BAHD1: variants seen among roughly 807,000 people sequenced by gnomAD.
BAHD1 encodes bromo adjacent homology domain containing 1, also known as bromo adjacent homology domain-containing 1 protein.
Under a neutral mutation model 63.1 loss-of-function variants are expected in BAHD1, and 20 were observed. That is an observed-to-expected ratio of 0.32 (90% CI 0.22 to 0.46). The LOEUF (loss-of-function observed/expected upper bound fraction) is 0.46. Ranked by LOEUF, BAHD1 falls within the 20% of genes least tolerant of loss-of-function variation. The probability of loss-of-function intolerance (pLI) is 1.00; values close to 1 mark genes in which losing one functional copy is unlikely to be tolerated. For missense variants in BAHD1, 939 were observed against 1,071.8 expected (o/e 0.88, Z 1.73); for synonymous variants, 408 against 426.8 (o/e 0.96, Z 0.54).
chr15:40,461,572 G>A (rs189324084), intron 2 of BAHD1, among the ~76,000 whole-genome samples: 4 of 152,112 alleles, frequency 2.6e-5, no homozygotes, highest in Admixed American at 1.3e-4. Context: ...CCCGAGAGGC[G>A]GAGGTTGCAG....
At chr15:40,444,109 C>G (rs200143950) in intron 1 of BAHD1, among the ~76,000 whole-genome samples, 2 of 150,116 alleles carry the variant, frequency 1.3e-5, no homozygotes, top group Non-Finnish European at 3.0e-5. Context: ...TGTTAAACCT[C>G]TGTGTGTGTG....
intron 1 of BAHD1, among the ~76,000 whole-genome samples, chr15:40,457,081 A>C (rs1893870046): frequency 1.3e-5 from 2 of 152,166 alleles, no homozygotes; most frequent in South Asian, 4.1e-4. Context: ...GCCTGGTCAT[A>C]TGCATTTTCT....
chr15:40,466,221 A>C lies in BAHD1; in HGVS notation c.*91A>C. The C allele has an allele frequency of 1.8e-6, 2 of 1,122,056 alleles. No homozygotes were observed. Among genetic ancestry groups the C allele is most frequent in the Non-Finnish European group, 2.5e-6 (2 of 815,314 alleles). The allele number at this position is 1,122,056 out of a possible 1,614,324, so 69.5% of individuals were successfully genotyped here. On this transcript the variant is annotated 3_prime_UTR_variant, in exon 7 of 7. Coordinates refer to ENST00000416165, the MANE Select transcript of BAHD1 (RefSeq NM_014952.5). The stretch of plus-strand genomic sequence containing the variant: ...AAGCACAGCACTTGGTTAGGGGGCC[A>C]CAGAGGCCTAAGTTTGCTGGCCTGT...
intron 1 of BAHD1, among the ~76,000 whole-genome samples, chr15:40,456,433 GC>G (rs1193319895): frequency 1.3e-5 from 2 of 152,220 alleles, no homozygotes; most frequent in Non-Finnish European, 2.9e-5. Context: ...ACTCTGTCTT[GC>G]CCGGGGCCTG....
rs564303133 is a variant in BAHD1, at chr15:40,463,884, A to G, written c.1839A>G (p.Arg613=). The G allele has an allele frequency of 4.3e-6, 7 of 1,614,226 alleles. No homozygotes were observed. The highest frequency in any genetic ancestry group is 5.9e-6 in the Non-Finnish European group (7 of 1,180,034). Residue 613 remains arginine, a synonymous_variant, in exon 4 of 7, where the codon CGA becomes CGG. Coordinates refer to ENST00000416165, the MANE Select transcript of BAHD1 (RefSeq NM_014952.5). ...YVLDEPEPAI[R]KSYQAVERHG... ...AGGATGAGCCGGAGCCAGCCATCCG[A>G]AAGAGCTACCAGGCGGTAGAGCGGC...
intron 2 of BAHD1, among the ~76,000 whole-genome samples, chr15:40,461,056 G>A (rs77641734): frequency 4.6e-5 from 7 of 152,278 alleles, no homozygotes; most frequent in East Asian, 3.9e-4. Context: ...CACAGACTCC[G>A]AAGCCAGACT....
intron 3 of BAHD1, among the ~76,000 whole-genome samples, chr15:40,463,089 C>T (rs918534495): frequency 5.9e-5 from 9 of 152,052 alleles, no homozygotes; most frequent in African/African-American, 9.7e-5. Flanking sequence ...ATTGTTTGAG[C>T]TCAGGAGTTC....
intron 2 of BAHD1, 121 bp downstream of exon 2, chr15:40,460,017 G>A (rs1243873654): frequency 1.0e-5 from 13 of 1,290,028 alleles, no homozygotes; most frequent in Non-Finnish European, 1.3e-5. Flanking sequence ...GGAAGGTAGG[G>A]GGCTTTCAGA....
At chr15:40,443,571 A>C (rs910545936) in intron 1 of BAHD1, among the ~76,000 whole-genome samples, 16 of 152,190 alleles carry the variant, frequency 1.1e-4, no homozygotes, top group Admixed American at 1.0e-3. Context: ...GACTCATGCC[A>C]GTCGGATCTG....
At chr15:40,448,344 G>T (rs1893604871) in intron 1 of BAHD1, among the ~76,000 whole-genome samples, 1 of 152,152 alleles carries the variant, frequency 6.6e-6, no homozygotes, top group South Asian at 2.1e-4. Context: ...TTCCTCTGTG[G>T]TGGGAAAACT....
chr15:40,443,391 C>A, intron 1 of BAHD1: 2 of 847,488 alleles, frequency 2.4e-6, no homozygotes, highest in Non-Finnish European at 2.8e-6. Context: ...TGTCTAAAAT[C>A]CAGAGAGTGA....
chr15:40,452,148 C>T (rs1893723727), intron 1 of BAHD1, among the ~76,000 whole-genome samples: 1 of 152,262 alleles, frequency 6.6e-6, no homozygotes, highest in African/African-American at 2.4e-5. Flanking sequence ...CAATTCCTTT[C>T]AGCTGCACTT....
Position 40,455,773 on chromosome 15 carries a change from GC to G in BAHD1, c.-14-2675del, listed in dbSNP as rs1893831937. On this transcript the variant is annotated intron_variant, in intron 1 of 6. Coordinates refer to ENST00000416165, the MANE Select transcript of BAHD1 (RefSeq NM_014952.5). ...ACTTGGGGCCTGTTGAGGGGCTTTGGCCCGTGCTCAAATGCATGGTCTGTTC... is the reference window on the plus strand; with the variant it reads ...ACTTGGGGCCTGTTGAGGGGCTTTGGCCGTGCTCAAATGCATGGTCTGTTC... Among the ~76,000 whole-genome samples the G allele has an allele frequency of 2.6e-5, 4 of 152,192 alleles. No homozygotes were observed. In the South Asian group the frequency reaches 6.2e-4, roughly 24 times the overall value.
chr15:40,446,428 G>C (rs971883016), intron 1 of BAHD1, among the ~76,000 whole-genome samples: 8 of 152,210 alleles, frequency 5.3e-5, no homozygotes, highest in African/African-American at 4.8e-5. Flanking sequence ...ACTTTGTGTT[G>C]TGTCCCTGTG....
chr15:40,456,917 C>T (rs1292749384), intron 1 of BAHD1, among the ~76,000 whole-genome samples: 1 of 152,180 alleles, frequency 6.6e-6, no homozygotes, highest in East Asian at 1.9e-4. Context: ...TGAACAGCTC[C>T]GTAGTCTCTG....
chr15:40,442,231 G>A (rs1156594113), intron 1 of BAHD1, among the ~76,000 whole-genome samples: 2 of 152,202 alleles, frequency 1.3e-5, no homozygotes, highest in East Asian at 3.9e-4. Flanking sequence ...GTGGCGTCGG[G>A]GAGGGGAGCG....
upstream of BAHD1, among the ~76,000 whole-genome samples, chr15:40,437,820 C>T (rs955955718): frequency 1.1e-4 from 17 of 152,120 alleles, no homozygotes; most frequent in Non-Finnish European, 2.4e-4. Flanking sequence ...GGTGCTGGGG[C>T]TGGGCTGGAG....
chr15:40,456,704 T>C (rs1412068808), intron 1 of BAHD1, among the ~76,000 whole-genome samples: 1 of 152,254 alleles, frequency 6.6e-6, no homozygotes, highest in African/African-American at 2.4e-5. Context: ...GGCTTGAGAC[T>C]TTCAGGGTTA....
At position 40,461,972 on chromosome 15, in the gene BAHD1, C is replaced by T. The variant is rs1481119973; in HGVS notation, c.1493C>T (p.Ser498Leu). 4 of 1,611,972 alleles carry T rather than the reference C, an allele frequency of 2.5e-6. No homozygotes were observed. The highest frequency in any genetic ancestry group is 3.4e-6 in the Non-Finnish European group (4 of 1,178,544). Residue 498 changes from serine to leucine, a missense_variant, in exon 3 of 7, where the codon TCA becomes TTA. Transcript: ENST00000416165. ...FPLPEAGHPA[S>L]PAHPLLGCPV... ...CTCCCGGAAGCTGGCCACCCAGCCTCACCCGCCCACCCACTCCTGGGGTGC... is the reference window on the plus strand; with the variant it reads ...CTCCCGGAAGCTGGCCACCCAGCCTTACCCGCCCACCCACTCCTGGGGTGC...
Sources: gnomAD v4.1 joint callset for allele counts (sites outside exome capture counted in the v4.1 genomes callset) on GRCh38, gnomAD v4.1.1 for gene constraint, MANE v1.5 for transcripts, NCBI Gene and HGNC (gene_info 2026-07-23, HGNC 2026-07-21) for gene names.